Variants in NOX5 observed in about 807,000 individuals in gnomAD.
NOX5 encodes NADPH oxidase, EF-hand calcium binding domain 5.
In NOX5, 76 loss-of-function variants were observed where a neutral mutation model predicts 85.7. The observed-to-expected ratio is 0.89, with a 90% CI of 0.74 to 1.07. NOX5 has a LOEUF of 1.07. NOX5 is among the 50% of genes least tolerant of loss of function. The pLI is 0.00. For synonymous variants in NOX5, 405 were observed against 401.4 expected (o/e 1.01, Z -0.11); for missense variants, 973 against 999.5 (o/e 0.97, Z 0.36).
chr15:69,022,237 C>A, intron 1 of NOX5: 1 of 201,804 alleles, frequency 5.0e-6, no homozygotes, highest in Non-Finnish European at 1.2e-5. Flanking sequence ...CAGATGTCTT[C>A]CAATAATGTC....
At chr15:69,040,284 C>T (rs192325458) in intron 9 of NOX5, among the ~76,000 whole-genome samples, 21 of 152,334 alleles carry the variant, frequency 1.4e-4, no homozygotes, top group East Asian at 1.4e-3. Context: ...TTGTAAAGAA[C>T]GTCTATGCTC....
chr15:69,037,443 TG>T (rs2050536843), intron 8 of NOX5: 2 of 535,390 alleles, frequency 3.7e-6, no homozygotes, highest in South Asian at 2.3e-5. Context: ...AATCCGATTT[TG>T]GGGAGAACAG....
At position 69,033,051 on chromosome 15, in the gene NOX5, A is replaced by G. The variant is rs768194399; in HGVS notation, c.629A>G (p.His210Arg). 2 of 1,554,316 alleles carry G rather than the reference A, an allele frequency of 1.3e-6. No homozygotes were observed. The highest frequency in any genetic ancestry group is 1.4e-5 in the African/African-American group (1 of 70,724). ...ACCCGCCTCTCTCGCAGCGCTGCCCACTGGCTGACGGCCCCCGCCCCCCGC... is the reference window on the plus strand; with the variant it reads ...ACCCGCCTCTCTCGCAGCGCTGCCCGCTGGCTGACGGCCCCCGCCCCCCGC... ...VMENLTISAAHWLTAPAPRPR... is the reference protein window; with the variant it reads ...VMENLTISAARWLTAPAPRPR... Residue 210 changes from histidine to arginine, a missense_variant, in exon 5 of 16, where the codon CAC (histidine) becomes CGC (arginine). His to Arg is a conservative substitution (Grantham distance 29). Transcript: ENST00000388866.
intron 14 of NOX5, among the ~76,000 whole-genome samples, chr15:69,050,815 G>A (rs988281533): frequency 8.5e-5 from 13 of 152,134 alleles, no homozygotes; most frequent in African/African-American, 3.1e-4. Context: ...CCTTTAGTGC[G>A]GGATTAATTT....
rs943288638 is a variant in NOX5, at chr15:69,049,037, C to A, written c.1978C>A (p.Gln660Lys). The change falls in exon 14 of 16, where the codon CAG becomes AAG. Residue 660 changes from glutamine (Q) to lysine (K), a missense_variant. Physicochemically the swap from Gln to Lys is moderately conservative, Grantham distance 53. Transcript: ENST00000388866. ...CCTGCTGACTAAACTGGAGATGGAC[C>A]AGGCCGAGGAGGCTCAATACGGTAA... ...VSLLTKLEMD[Q>K]AEEAQYGRFL... 5.0e-6 allele frequency: 8 copies of A among 1,611,944 alleles called. No individual in the cohort carries two copies. In the African/African-American group the frequency reaches 9.3e-5, roughly 19 times the overall value.
intron 6 of NOX5, 60 bp downstream of exon 6, chr15:69,035,567 T>G (rs1489012809): frequency 6.3e-7 from 1 of 1,595,930 alleles, no homozygotes; most frequent in African/African-American, 1.3e-5. Flanking sequence ...AAGCCCAGAA[T>G]GCAGGGCCCA....
chr15:69,031,830 G>A lies in NOX5; in HGVS notation c.620+18G>A, dbSNP rs759332968. 51 of 1,584,644 alleles carry A rather than the reference G, an allele frequency of 3.2e-5. No individual in the cohort carries two copies. The highest frequency in any genetic ancestry group is 4.1e-5 in the Non-Finnish European group (48 of 1,160,410). ...ACCATCAGGTACGGCCGGGTCTCGG[G>A]CATTGGCACTGTCCACGGCGGCGTT... On this transcript the variant is annotated intron_variant, in intron 4 of 15. Coordinates refer to ENST00000388866, the MANE Select transcript of NOX5 (RefSeq NM_024505.4).
intron 2 of NOX5, among the ~76,000 whole-genome samples, chr15:69,027,735 C>T (rs1460041821): frequency 6.6e-6 from 1 of 152,072 alleles, no homozygotes; most frequent in African/African-American, 2.4e-5. Flanking sequence ...ATGTAGGCAG[C>T]CTTAAGAACA....
At chr15:69,026,302 C>T (rs1316542648) in intron 1 of NOX5, among the ~76,000 whole-genome samples, 2 of 152,180 alleles carry the variant, frequency 1.3e-5, no homozygotes, top group African/African-American at 4.8e-5. Flanking sequence ...TAAAGAGAAG[C>T]AAGCCTGGGC....
At chr15:69,026,270 C>T (rs1398276175) in intron 1 of NOX5, among the ~76,000 whole-genome samples, 2 of 152,196 alleles carry the variant, frequency 1.3e-5, no homozygotes, top group African/African-American at 2.4e-5. Context: ...CCACCTCACT[C>T]GGGCCCTGTC....
intron 1 of NOX5, chr15:69,022,105 G>A (rs1013433263): frequency 1.3e-5 from 2 of 152,542 alleles, no homozygotes; most frequent in African/African-American, 4.8e-5. Flanking sequence ...TTCTGCCTCT[G>A]AGCACATGGA....
Position 69,042,727 on chromosome 15 carries a change from G to T in NOX5, c.1569G>T (p.Lys523Asn), listed in dbSNP as rs2277553. Residue 523 changes from lysine to asparagine, a missense_variant, in exon 10 of 16, where the codon AAG becomes AAT. Physicochemically the swap from Lys to Asn is moderately conservative, Grantham distance 94. Coordinates refer to ENST00000388866, the MANE Select transcript of NOX5 (RefSeq NM_024505.4). ...QWTNRLYESF[K>N]ASDPLGRGSK... ...CAAACAGGCTGTATGAGTCCTTCAA[G>T]GCATCAGACCCACTGGGCCGTGGTT... 688 of 1,614,166 alleles carry T rather than the reference G, an allele frequency of 4.3e-4. 12 individuals carry two copies. The East Asian group carries it at 0.015, about 35-fold the overall frequency.
In NOX5 at chr15:69,033,097, C is replaced by G; in HGVS notation, c.675C>G (p.Arg225=). 8 of 1,553,698 alleles carry G rather than the reference C, an allele frequency of 5.1e-6. No individual in the cohort carries two copies. Among genetic ancestry groups the G allele is most frequent in the Non-Finnish European group, 6.9e-6 (8 of 1,156,978 alleles). The change falls in exon 5 of 16, where the codon CGC becomes CGG. Residue 225 remains arginine (R), a synonymous_variant. Transcript: ENST00000388866. ...CCCGCCCACGCCCGCGCCGGCCGCGCCAGCTGACCCGCGCCTACTGGCACA... is the reference window on the plus strand; with the variant it reads ...CCCGCCCACGCCCGCGCCGGCCGCGGCAGCTGACCCGCGCCTACTGGCACA... ...PAPRPRPRRP[R]QLTRAYWHNH... is the part of the protein sequence containing the mutation.
Position 69,047,830 on chromosome 15 carries a change from G to T in NOX5, c.1818G>T (p.Arg606Ser). 6.2e-7 allele frequency: 1 copy of T among 1,613,972 alleles called. No homozygotes were observed. The highest frequency in any genetic ancestry group is 1.1e-5 in the South Asian group (1 of 91,060). ...FASILQSIMY[R>S]HQKRKHTCPS... ...ACCCCTTCCTCCTGCCTCCCCTCAG[G>T]CACCAGAAAAGAAAGCATACTTGCC... Residue 606 changes from arginine (R) to serine (S), a missense_variant and splice_region_variant, in exon 13 of 16, where the codon AGG (arginine) becomes AGT (serine). By Grantham distance (110) the Arg-to-Ser change is moderately radical. Transcript: ENST00000388866.
intron 4 of NOX5, among the ~76,000 whole-genome samples, chr15:69,032,472 A>G (rs1172021424): frequency 6.9e-6 from 1 of 144,896 alleles, no homozygotes; most frequent in Non-Finnish European, 1.5e-5. Context: ...GTGCAGTGGT[A>G]TGATCTCGGC....
At position 69,028,355 on chromosome 15, in the gene NOX5, T is replaced by C; in HGVS notation, c.315T>C (p.Tyr105=). The C allele has an allele frequency of 6.2e-7, 1 of 1,603,376 alleles. No individual in the cohort carries two copies. Among genetic ancestry groups the C allele is most frequent in the African/African-American group, 1.3e-5 (1 of 74,810 alleles). Residue 105 remains tyrosine (Y), a synonymous_variant, in exon 3 of 16, where the codon TAT becomes TAC. Transcript: ENST00000388866. ...MDKLKFLFQV[Y]DIDVCARQGA... is the part of the protein sequence containing the mutation. ...AACTCAAATTCCTCTTCCAGGTGTA[T>C]GACATCGATGGTAAGGGCTCTTCCT...
chr15:69,051,328 G>T (rs1221698565), intron 14 of NOX5, among the ~76,000 whole-genome samples: 1 of 151,990 alleles, frequency 6.6e-6, no homozygotes, highest in South Asian at 2.1e-4. Flanking sequence ...CATGTGTTTT[G>T]TCCATTTTTC....
At chr15:69,041,871 A>AT (rs35364723) in intron 9 of NOX5, among the ~76,000 whole-genome samples, 4,210 of 149,400 alleles carry the variant, frequency 0.028, 176 homozygotes, top group African/African-American at 0.097. Flanking sequence ...TGTTTGTGTG[A>AT]TTTTTTTTTT....
chr15:69,033,790 G>A (rs907715968), intron 5 of NOX5, among the ~76,000 whole-genome samples: 15 of 151,274 alleles, frequency 9.9e-5, no homozygotes, highest in African/African-American at 3.6e-4. Context: ...TGCCTCCCGG[G>A]TTCAAGCGAT....
Sources: allele counts gnomAD v4.1 joint callset (sites outside exome capture counted in the v4.1 genomes callset), GRCh38; gene constraint gnomAD v4.1.1; transcripts MANE v1.5; gene names NCBI Gene and HGNC (gene_info 2026-07-23, HGNC 2026-07-21).